ATF6: variants seen among roughly 807,000 people sequenced by gnomAD.
ATF6 encodes cyclic AMP-dependent transcription factor ATF-6 alpha.
ATF6 carries 53 observed loss-of-function variants against 83.6 expected under a neutral mutation model. That is an observed-to-expected ratio of 0.63 (90% CI 0.51 to 0.80). The LOEUF is 0.80. Ranked by LOEUF, ATF6 falls within the 30% of genes least tolerant of loss-of-function variation. ATF6 has a pLI of 0.00. For missense variants in ATF6, 744 were observed against 797.9 expected (o/e 0.93, Z 0.81); for synonymous variants, 288 against 285.8 (o/e 1.01, Z -0.08).
intron 14 of ATF6, among the ~76,000 whole-genome samples, chr1:161,905,666 G>A (rs557849465): frequency 1.3e-5 from 2 of 152,186 alleles, no homozygotes; most frequent in Non-Finnish European, 1.5e-5. Context: ...TTGGATTGCT[G>A]TCCTGTTGGC....
At chr1:161,798,076 A>C (rs1479799036) in intron 6 of ATF6, among the ~76,000 whole-genome samples, 4 of 152,240 alleles carry the variant, frequency 2.6e-5, no homozygotes, top group African/African-American at 7.2e-5. Flanking sequence ...CTGCCTATTC[A>C]ATAAATGGTG....
intron 14 of ATF6, among the ~76,000 whole-genome samples, chr1:161,895,337 G>A (rs964124042): frequency 6.6e-6 from 1 of 152,158 alleles, no homozygotes; most frequent in Non-Finnish European, 1.5e-5. Flanking sequence ...TGGTTTACTA[G>A]CCTAACAAAA....
At chr1:161,827,428 T>TA (rs757264697) in intron 9 of ATF6, among the ~76,000 whole-genome samples, 2 of 151,302 alleles carry the variant, frequency 1.3e-5, no homozygotes, top group Non-Finnish European at 2.9e-5. Context: ...GCATAGGCTT[T>TA]AAAAAAAAAG....
At chr1:161,878,807 A>C (rs1300753925) in intron 14 of ATF6, among the ~76,000 whole-genome samples, 2 of 152,210 alleles carry the variant, frequency 1.3e-5, no homozygotes, top group African/African-American at 2.4e-5. Context: ...TCACTGATAC[A>C]CTTGACAAGA....
intron 1 of ATF6, among the ~76,000 whole-genome samples, chr1:161,769,125 A>C (rs921936673): frequency 6.6e-6 from 1 of 152,086 alleles, no homozygotes; most frequent in Non-Finnish European, 1.5e-5. Context: ...TGTTGCAACT[A>C]CTCAAGTCTG....
In ATF6 at chr1:161,912,400, T is replaced by C. The variant is rs367593190; in HGVS notation, c.1804+20T>C. On this transcript the variant is annotated intron_variant, in intron 15 of 15. Coordinates refer to ENST00000367942, the MANE Select transcript of ATF6 (RefSeq NM_007348.4). ...TAAATGGTAAGTTGAAATTCTGATG[T>C]ATGAACAATATGAGATTTCTTTGTT... 3.3e-6 allele frequency: 5 copies of C among 1,497,868 alleles called. No individual in the cohort carries two copies. In the African/African-American group the frequency reaches 7.0e-5, roughly 21 times the overall value. The allele number at this position is 1,497,868 out of a possible 1,614,324, so 92.8% of individuals were successfully genotyped here. A position where few individuals can be genotyped will look rare whatever the true frequency, so the allele number is the denominator to read the frequency against.
chr1:161,953,425 A>G (rs917566236), intron 15 of ATF6, among the ~76,000 whole-genome samples: 3 of 152,126 alleles, frequency 2.0e-5, no homozygotes, highest in African/African-American at 4.8e-5. Context: ...AGGCCTATAC[A>G]TTTGTTTTGT....
chr1:161,769,397 T>G (rs1262461010), intron 1 of ATF6, among the ~76,000 whole-genome samples: 2 of 152,194 alleles, frequency 1.3e-5, no homozygotes, highest in Admixed American at 1.3e-4. Context: ...TGAGCCAGTA[T>G]TGATACATTA....
rs750249727 is a variant in ATF6, at chr1:161,792,279, T to C, written c.640T>C (p.Leu214=). The part of the protein sequence containing the change: ...IIQTVPTLMP[L]AKQQPIISLQ... ...TCAGACAGTACCAACGCTTATGCCA[T>C]TGGCAAAGCAGCAACCAATTATCAG... Residue 214 remains leucine (L), a synonymous_variant, in exon 6 of 16, where the codon TTG becomes CTG. Coordinates refer to ENST00000367942, the MANE Select transcript of ATF6 (RefSeq NM_007348.4). The C allele has an allele frequency of 1.9e-6, 3 of 1,614,136 alleles. No homozygotes were observed. Among genetic ancestry groups the C allele is most frequent in the South Asian group, 1.1e-5 (1 of 91,088 alleles).
intron 14 of ATF6, among the ~76,000 whole-genome samples, chr1:161,869,632 A>C (rs1480040294): frequency 6.6e-6 from 1 of 151,888 alleles, no homozygotes; most frequent in African/African-American, 2.4e-5. Context: ...AGGCTTTTTA[A>C]AATTAATTTT....
Position 161,962,522 on chromosome 1 carries a change from A to T in ATF6, c.*3868A>T, listed in dbSNP as rs1287189193. 2 of 152,230 alleles carry T rather than the reference A, an allele frequency of 1.3e-5. No homozygotes were observed. The highest frequency in any genetic ancestry group is 3.8e-4 in the East Asian group (2 of 5,202). 9.4% of individuals were successfully genotyped at this position (152,230 alleles called of 1,614,324 possible). A position where few individuals can be genotyped will look rare whatever the true frequency, so the allele number is the denominator to read the frequency against. On this transcript the variant is annotated 3_prime_UTR_variant, in exon 16 of 16. Coordinates refer to ENST00000367942, the MANE Select transcript of ATF6 (RefSeq NM_007348.4). The stretch of plus-strand genomic sequence containing the variant: ...AGGTTGTGAAACTTGACAGAAATGT[A>T]TTACAGGAAAAACTTATAATTGTAT...
Position 161,912,490 on chromosome 1 carries a change from G to A in ATF6, c.1804+110G>A, listed in dbSNP as rs34845573. ...TGTTCAGTTAAATGAGTATATATCC[G>A]TACATTATTTCTGAAACATTTTTCC... On this transcript the variant is annotated intron_variant, in intron 15 of 15. Coordinates refer to ENST00000367942, the MANE Select transcript of ATF6 (RefSeq NM_007348.4). The A allele has an allele frequency of 1.7e-4, 89 of 522,730 alleles. No homozygotes were observed. The East Asian group carries it at 2.3e-3, about 14-fold the overall frequency. The allele number at this position is 522,730 out of a possible 1,614,324, so 32.4% of individuals were successfully genotyped here.
chr1:161,913,706 T>C (rs964185329), intron 15 of ATF6, among the ~76,000 whole-genome samples: 1 of 152,170 alleles, frequency 6.6e-6, no homozygotes, highest in Non-Finnish European at 1.5e-5. Flanking sequence ...TATTCCAAAG[T>C]GCATTTTATT....
At chr1:161,873,271 A>G (rs531276962) in intron 14 of ATF6, among the ~76,000 whole-genome samples, 1 of 151,694 alleles carries the variant, frequency 6.6e-6, no homozygotes, top group South Asian at 2.1e-4. Flanking sequence ...TTATAGAACT[A>G]TTTCTCATTT....
intron 15 of ATF6, among the ~76,000 whole-genome samples, chr1:161,913,003 G>T (rs1280569462): frequency 6.6e-6 from 1 of 152,160 alleles, no homozygotes; most frequent in Admixed American, 6.5e-5. Flanking sequence ...TAAGTAATAT[G>T]TGAGGTACTA....
chr1:161,893,175 T>G (rs923440264), intron 14 of ATF6, among the ~76,000 whole-genome samples: 26 of 151,210 alleles, frequency 1.7e-4, no homozygotes, highest in African/African-American at 6.1e-4. Flanking sequence ...TCTTTCTTTC[T>G]TTTTTTTTGA....
intron 14 of ATF6, among the ~76,000 whole-genome samples, chr1:161,881,976 C>A (rs1216285890): frequency 6.6e-6 from 1 of 151,902 alleles, no homozygotes; most frequent in Non-Finnish European, 1.5e-5. Context: ...TATCAAAGTT[C>A]ATTTTGTGTG....
chr1:161,831,958 G>GAA (rs112191355), intron 9 of ATF6, among the ~76,000 whole-genome samples: 1 of 146,436 alleles, frequency 6.8e-6, no homozygotes, highest in Non-Finnish European at 1.5e-5. Context: ...AAAAAAAAAA[G>GAA]AAAGAAAAAT....
At chr1:161,854,089 T>C (rs186711138) in intron 12 of ATF6, among the ~76,000 whole-genome samples, 2 of 152,250 alleles carry the variant, frequency 1.3e-5, no homozygotes, top group Admixed American at 1.3e-4. Context: ...AGGTTAGAAT[T>C]TGAATTGAGA....
Sources: gnomAD v4.1 joint callset for allele counts (sites outside exome capture counted in the v4.1 genomes callset) on GRCh38, gnomAD v4.1.1 for gene constraint, MANE v1.5 for transcripts, NCBI Gene and HGNC (gene_info 2026-07-23, HGNC 2026-07-21) for gene names.